Variants in RNLS observed in about 807,000 individuals in gnomAD.
RNLS encodes renalase, FAD dependent amine oxidase.
RNLS carries 39 observed loss-of-function variants against 39.8 expected under a neutral mutation model. The ratio of observed to expected loss-of-function variants is 0.98; its 90% confidence interval spans 0.76 to 1.28. The LOEUF (loss-of-function observed/expected upper bound fraction) is 1.28. Ranked by LOEUF, RNLS falls within the 50% of genes most tolerant of loss-of-function variation. The probability of loss-of-function intolerance (pLI) is 0.00; values close to 1 mark genes in which losing one functional copy is unlikely to be tolerated. For synonymous variants in RNLS, 147 were observed against 150.7 expected (o/e 0.98, Z 0.18); for missense variants, 410 against 413.3 (o/e 0.99, Z 0.07).
chr10:88,535,247 A>G (rs1847678058), intron 4 of RNLS, among the ~76,000 whole-genome samples: 1 of 152,136 alleles, frequency 6.6e-6, no homozygotes, highest in Non-Finnish European at 1.5e-5. Context: ...AAGACAAACA[A>G]TGGAACAAAC....
At chr10:88,394,006 C>T (rs565250855) in intron 4 of RNLS, among the ~76,000 whole-genome samples, 6 of 152,280 alleles carry the variant, frequency 3.9e-5, no homozygotes, top group East Asian at 3.9e-4. Flanking sequence ...AAAGCTGAAA[C>T]TGGATCCCTT....
chr10:88,514,601 T>C (rs1800526929), intron 4 of RNLS, among the ~76,000 whole-genome samples: 1 of 152,120 alleles, frequency 6.6e-6, no homozygotes, highest in African/African-American at 2.4e-5. Flanking sequence ...GAAATCACAA[T>C]TCTACTCTCT....
the RNLS span, among the ~76,000 whole-genome samples, chr10:88,238,500 A>G: frequency 6.6e-6 from 1 of 152,346 alleles, no homozygotes; most frequent in African/African-American, 2.4e-5. Flanking sequence ...GTGAGGGGCT[A>G]CTTCCTTAAA....
chr10:88,288,715 T>C (rs927870199), intron 6 of RNLS, among the ~76,000 whole-genome samples: 2 of 152,198 alleles, frequency 1.3e-5, no homozygotes, highest in Admixed American at 1.3e-4. Flanking sequence ...AAATGCCAGA[T>C]GCCAGATCAC....
At chr10:88,190,071 AC>A in the RNLS span, among the ~76,000 whole-genome samples, 1 of 152,192 alleles carries the variant, frequency 6.6e-6, no homozygotes, top group African/African-American at 2.4e-5. Context: ...CCTGGGATCA[AC>A]CCTGTGTTTG....
downstream of RNLS, among the ~76,000 whole-genome samples, chr10:88,271,109 T>C (rs1350935395): frequency 1.3e-5 from 2 of 152,214 alleles, no homozygotes; most frequent in Non-Finnish European, 2.9e-5. Flanking sequence ...TACTGGAGCC[T>C]GCCTTTGATA....
intron 6 of RNLS, among the ~76,000 whole-genome samples, chr10:88,288,613 G>A (rs973525373): frequency 6.6e-6 from 1 of 152,148 alleles, no homozygotes; most frequent in African/African-American, 2.4e-5. Context: ...CATTGCACAA[G>A]TATTAACCAG....
chr10:88,500,063 G>C (rs569329942), intron 4 of RNLS, among the ~76,000 whole-genome samples: 20 of 152,228 alleles, frequency 1.3e-4, no homozygotes, highest in African/African-American at 4.8e-4. Context: ...GATTTAATGA[G>C]AGCAAAGCTC....
chr10:88,378,009 C>T (rs919555312), intron 4 of RNLS, among the ~76,000 whole-genome samples: 2 of 151,424 alleles, frequency 1.3e-5, no homozygotes, highest in African/African-American at 2.4e-5. Context: ...TCATTAAAAA[C>T]TAAGACATAA....
chr10:88,317,436 C>G (rs1845842517), intron 5 of RNLS, among the ~76,000 whole-genome samples: 2 of 152,166 alleles, frequency 1.3e-5, no homozygotes, highest in Non-Finnish European at 2.9e-5. Flanking sequence ...GTTGAAAGAG[C>G]AGCTTTAGAA....
intron 4 of RNLS, among the ~76,000 whole-genome samples, chr10:88,551,474 A>T (rs1286296794): frequency 1.3e-5 from 2 of 152,152 alleles, no homozygotes; most frequent in Non-Finnish European, 2.9e-5. Context: ...ATTTATGAAA[A>T]TGCGTATTTC....
chr10:88,502,720 G>A (rs1845575760), intron 4 of RNLS, among the ~76,000 whole-genome samples: 1 of 152,130 alleles, frequency 6.6e-6, no homozygotes, highest in African/African-American at 2.4e-5. Flanking sequence ...GTATAATAAA[G>A]TTTTGGAATC....
the RNLS span, among the ~76,000 whole-genome samples, chr10:88,217,104 T>A: frequency 0.08 from 12,142 of 152,190 alleles, 639 homozygotes; most frequent in Middle Eastern, 0.12. Context: ...AAACATCCAT[T>A]TGGGGTGGTT....
rs190746432 is a variant in RNLS, at chr10:88,397,472, G to C, written c.527-34747C>G. ...AAGCCTTACTGGATGTAGGTAAGCA[G>C]TGCTTAGAGTAAAATTTGTAGGTGT... On this transcript the variant is annotated intron_variant, in intron 4 of 6. Coordinates refer to ENST00000331772, the MANE Select transcript of RNLS (RefSeq NM_001031709.3). Among the ~76,000 whole-genome samples the C allele has an allele frequency of 3.2e-3, 480 of 152,058 alleles. 1 individual carries two copies. Among genetic ancestry groups the C allele is most frequent in the Middle Eastern group, 6.8e-3 (2 of 294 alleles).
At chr10:88,371,966 C>T (rs72820015) in intron 4 of RNLS, among the ~76,000 whole-genome samples, 3 of 152,018 alleles carry the variant, frequency 2.0e-5, no homozygotes, top group African/African-American at 7.2e-5. Flanking sequence ...GGGACCCTAA[C>T]AATCAATGCT....
chr10:88,558,080 T>C (rs1186897299), intron 4 of RNLS, among the ~76,000 whole-genome samples: 3 of 152,168 alleles, frequency 2.0e-5, no homozygotes, highest in African/African-American at 4.8e-5. Flanking sequence ...ACACATCTAC[T>C]GACAGCATGT....
intron 4 of RNLS, among the ~76,000 whole-genome samples, chr10:88,372,309 A>C (rs144230757): frequency 6.6e-6 from 1 of 152,248 alleles, no homozygotes; most frequent in African/African-American, 2.4e-5. Context: ...TTAATCATAA[A>C]GAACAATCTG....
the RNLS span, among the ~76,000 whole-genome samples, chr10:88,263,326 T>C: frequency 6.6e-6 from 1 of 152,068 alleles, no homozygotes; most frequent in African/African-American, 2.4e-5. Context: ...CTAGAACAAT[T>C]TTGTTACCTA....
At chr10:88,332,805 G>GT (rs1847209180) in intron 5 of RNLS, among the ~76,000 whole-genome samples, 1 of 152,076 alleles carries the variant, frequency 6.6e-6, no homozygotes, top group Non-Finnish European at 1.5e-5. Context: ...AAAGTGTGTG[G>GT]TTTTTTTCTC....
Sources: allele counts gnomAD v4.1 joint callset (sites outside exome capture counted in the v4.1 genomes callset), GRCh38; gene constraint gnomAD v4.1.1; transcripts MANE v1.5; gene names NCBI Gene and HGNC (gene_info 2026-07-23, HGNC 2026-07-21).